Variants in GSTCD observed in about 807,000 individuals in gnomAD.
GSTCD encodes the protein glutathione S-transferase C-terminal domain-containing protein.
In GSTCD, 44 loss-of-function variants were observed where a neutral mutation model predicts 68.3. The ratio of observed to expected loss-of-function variants is 0.64; its 90% confidence interval spans 0.51 to 0.83. The LOEUF is 0.83. Among genes scored for constraint, GSTCD ranks in the 40% least tolerant of loss-of-function variants. The pLI, the probability that GSTCD is intolerant of heterozygous loss-of-function variation, is 0.00. For missense variants in GSTCD, 739 were observed against 735.9 expected, an observed-to-expected ratio of 1.00 and a Z score of -0.05; for synonymous variants, 273 against 255.2, an observed-to-expected ratio of 1.07 and a Z score of -0.67.
intron 5 of GSTCD, among the ~76,000 whole-genome samples, chr4:105,738,946 C>T (rs1199633036): frequency 6.6e-6 from 1 of 152,130 alleles, no homozygotes; most frequent in Non-Finnish European, 1.5e-5. Context: ...TTCAGTTTTC[C>T]CCATTCAGTA....
At chr4:105,845,351 G>T (rs1456406326) in intron 11 of GSTCD, 90 bp from the exon 12 acceptor site, 136 of 1,447,294 alleles carry the variant, frequency 9.4e-5, no homozygotes, top group Non-Finnish European at 1.3e-4. Context: ...AGTACTTGCA[G>T]ATTTTGTCAC....
intron 5 of GSTCD, among the ~76,000 whole-genome samples, chr4:105,763,298 G>A (rs999565547): frequency 4.6e-5 from 7 of 152,152 alleles, no homozygotes; most frequent in Non-Finnish European, 8.8e-5. Context: ...TTAAGGATAT[G>A]AGTTAAGCAT....
At chr4:105,711,058 A>G (rs1468328858) in intron 1 of GSTCD, 1 of 152,112 alleles carries the variant, frequency 6.6e-6, no homozygotes, top group Non-Finnish European at 1.5e-5. Flanking sequence ...GCTGCTATCT[A>G]TCTGTTGAGG....
chr4:105,834,521 C>T lies in GSTCD; in HGVS notation c.1591C>T (p.Arg531Trp), dbSNP rs1421975654. 5.6e-6 allele frequency: 9 copies of T among 1,613,870 alleles called. No homozygotes were observed. The highest frequency in any genetic ancestry group is 4.5e-5 in the East Asian group (2 of 44,884). The stretch of plus-strand genomic sequence containing the variant: ...GGTGATTGAGCACTGTATCAAAACA[C>T]GGGCTTCCTTCGTCACATGCCCTTG... ...DMVIEHCIKT[R>W]ASFVTCPCCY... The change falls in exon 9 of 12, where the codon CGG becomes TGG. Residue 531 changes from arginine to tryptophan, a missense_variant. By Grantham distance (101) the Arg-to-Trp change is moderately radical. Transcript: ENST00000515279.
chr4:105,816,389 C>T (rs1722988107), intron 5 of GSTCD, among the ~76,000 whole-genome samples: 1 of 152,056 alleles, frequency 6.6e-6, no homozygotes, highest in Non-Finnish European at 1.5e-5. Flanking sequence ...TTGCTACAGT[C>T]CCAAGGTGGG....
chr4:105,711,256 A>G lies in GSTCD; in HGVS notation c.-22+2240A>G, dbSNP rs77650350. ...CAGGTTTAAATTTTAATCTTTAAGA[A>G]AAGTAAGTGTTTGTGATTTTTCATA... On this transcript the variant is annotated intron_variant, in intron 1 of 11. Transcript: ENST00000515279. 5.4e-3 allele frequency among the ~76,000 whole-genome samples: 805 copies of G among 148,534 alleles called. 16 individuals carry two copies. The East Asian group carries it at 0.06, about 11-fold the overall frequency.
Position 105,803,151 on chromosome 4 carries a change from G to A in GSTCD, c.1241-19803G>A, listed in dbSNP as rs533025401. Among the ~76,000 whole-genome samples, 108 of 152,170 alleles carry A rather than the reference G, an allele frequency of 7.1e-4. 1 individual carries two copies. The Middle Eastern group carries it at 0.02, about 29-fold the overall frequency. ...CCAAATATGAAATACCAAAACATTT[G>A]TTCCTTTCACAATATTTTTCATCTC... On this transcript the variant is annotated intron_variant, in intron 5 of 11. Coordinates refer to ENST00000515279, the MANE Select transcript of GSTCD (RefSeq NM_001370181.1).
intron 5 of GSTCD, among the ~76,000 whole-genome samples, chr4:105,814,442 G>A (rs1271181446): frequency 5.9e-5 from 9 of 151,822 alleles, no homozygotes; most frequent in African/African-American, 9.7e-5. Flanking sequence ...GCAAAACCTC[G>A]TCTCTACTAA....
intron 5 of GSTCD, among the ~76,000 whole-genome samples, chr4:105,773,834 G>A (rs916349275): frequency 1.3e-5 from 2 of 152,154 alleles, no homozygotes; most frequent in Non-Finnish European, 2.9e-5. Context: ...ATATTCTGTT[G>A]ATTTGGGGTG....
intron 5 of GSTCD, among the ~76,000 whole-genome samples, chr4:105,755,598 A>C (rs1578440578): frequency 6.6e-6 from 1 of 151,970 alleles, no homozygotes; most frequent in East Asian, 1.9e-4. Flanking sequence ...GTTAGATCTC[A>C]CATGTTAAGG....
At chr4:105,815,904 C>T (rs1722959294) in intron 5 of GSTCD, among the ~76,000 whole-genome samples, 1 of 152,020 alleles carries the variant, frequency 6.6e-6, no homozygotes, top group African/African-American at 2.4e-5. Context: ...AATGCCAGAG[C>T]AGAGTAATGT....
At chr4:105,814,763 C>T (rs1361352475) in intron 5 of GSTCD, among the ~76,000 whole-genome samples, 4 of 152,202 alleles carry the variant, frequency 2.6e-5, no homozygotes, top group African/African-American at 9.6e-5. Context: ...CCACCCCATC[C>T]ATGCCTGTAG....
chr4:105,772,209 A>G (rs72956971), intron 5 of GSTCD, among the ~76,000 whole-genome samples: 511 of 152,124 alleles, frequency 3.4e-3, no homozygotes, highest in African/African-American at 0.012. Context: ...TTTGCACACT[A>G]CTTTGTATAC....
At chr4:105,819,280 C>A (rs1311486307) in intron 5 of GSTCD, among the ~76,000 whole-genome samples, 1 of 151,676 alleles carries the variant, frequency 6.6e-6, no homozygotes, top group Non-Finnish European at 1.5e-5. Context: ...GTATGCCTTC[C>A]CCATCCCCAT....
chr4:105,732,470 T>C (rs1187804109), intron 5 of GSTCD, among the ~76,000 whole-genome samples: 1 of 152,246 alleles, frequency 6.6e-6, no homozygotes, highest in Non-Finnish European at 1.5e-5. Flanking sequence ...TTTTCTAGTT[T>C]ATTTGCATAG....
At position 105,823,028 on chromosome 4, in the gene GSTCD, GC is replaced by G. The variant is rs760792456; in HGVS notation, c.1317del (p.Lys440AsnfsTer31). 1 of 1,613,862 alleles carries G rather than the reference GC, an allele frequency of 6.2e-7. No homozygotes were observed. Among genetic ancestry groups the G allele is most frequent in the Non-Finnish European group, 8.5e-7 (1 of 1,179,788 alleles). ...CCTTGTCTATGTGGTAACAAATCAG[GC>G]CAAACCTGGTGACAGAATTGTGGAT... is the stretch of plus-strand genomic sequence containing the variant. ...NNLVYVVTNQ[A>X]KPGDRIVDFC... On this transcript the variant is annotated frameshift_variant, in exon 6 of 12. Coordinates refer to ENST00000515279, the MANE Select transcript of GSTCD (RefSeq NM_001370181.1). LOFTEE classifies it high-confidence loss of function.
At chr4:105,734,891 T>C (rs577614066) in intron 5 of GSTCD, among the ~76,000 whole-genome samples, 2 of 152,312 alleles carry the variant, frequency 1.3e-5, no homozygotes, top group East Asian at 3.9e-4. Context: ...TTAGTTTTCC[T>C]TCTAACAGTC....
chr4:105,806,798 A>G (rs1266627346), intron 5 of GSTCD, among the ~76,000 whole-genome samples: 1 of 152,102 alleles, frequency 6.6e-6, no homozygotes, highest in Non-Finnish European at 1.5e-5. Context: ...AAACACACCA[A>G]CATATCTGTT....
At chr4:105,755,560 A>T (rs906878497) in intron 5 of GSTCD, among the ~76,000 whole-genome samples, 1 of 152,194 alleles carries the variant, frequency 6.6e-6, no homozygotes, top group South Asian at 2.1e-4. Flanking sequence ...CTCCAATTCA[A>T]TTCTGACATC....
Sources: allele counts gnomAD v4.1 joint callset (sites outside exome capture counted in the v4.1 genomes callset), GRCh38; gene constraint gnomAD v4.1.1; transcripts MANE v1.5; gene names NCBI Gene and HGNC (gene_info 2026-07-23, HGNC 2026-07-21).